The following RABGEF1 variants were observed in gnomAD, a reference collection of about 807,000 sequenced individuals.
The protein encoded by RABGEF1 is RAB guanine nucleotide exchange factor 1.
In RABGEF1, 26 loss-of-function variants were observed where a neutral mutation model predicts 57.3. The observed-to-expected ratio is 0.45, with a 90% CI of 0.33 to 0.63. RABGEF1 has a LOEUF of 0.63. RABGEF1 is among the 20% of genes least tolerant of loss of function. The pLI is 0.02. For missense variants in RABGEF1, 464 were observed against 607.6 expected (o/e 0.76, Z 2.48); for synonymous variants, 185 against 210.7 (o/e 0.88, Z 1.06).
rs1445613992 is a variant in RABGEF1 at position 66,783,755 on chromosome 7, A to G, written c.427A>G (p.Ile143Val). Residue 143 changes from isoleucine to valine, a missense_variant, in exon 4 of 9, where the codon ATA becomes GTA. Around this residue, in one of 4 missense-constraint regions of RABGEF1, gnomAD observed 284 missense variants for 389.9 expected, o/e 0.73. Coordinates refer to ENST00000284957, the MANE Select transcript of RABGEF1 (RefSeq NM_014504.3). ...IETDRVSKEF[I>V]EFLKTFHKTG... ...AACGGATAGAGTGTCTAAGGAGTTC[A>G]TAGAATTTCTCAAGACCTTCCACAA... 2.5e-6 allele frequency: 4 copies of G among 1,613,650 alleles called. No homozygotes were observed. The highest frequency in any genetic ancestry group is 3.4e-6 in the Non-Finnish European group (4 of 1,179,750).
chr7:66,724,890 G>T (rs1283206751), intron 2 of RABGEF1, among the ~76,000 whole-genome samples: 2 of 152,084 alleles, frequency 1.3e-5, no homozygotes, highest in Non-Finnish European at 2.9e-5. Context: ...ATAGATTCAG[G>T]TTCATTGATC....
chr7:66,785,313 T>G (rs1007063278), intron 4 of RABGEF1, among the ~76,000 whole-genome samples: 1 of 152,224 alleles, frequency 6.6e-6, no homozygotes, highest in African/African-American at 2.4e-5. Flanking sequence ...TTCTACACTA[T>G]GTGTTTCATG....
chr7:66,670,954 C>T, the RABGEF1 span, among the ~76,000 whole-genome samples: 1 of 151,636 alleles, frequency 6.6e-6, no homozygotes, highest in South Asian at 2.1e-4. Flanking sequence ...GGAGCTTCCA[C>T]TGGTCTTACT....
Position 66,809,337 on chromosome 7 carries a change from C to A in RABGEF1, c.*53C>A. ...GAGCCTAAATTGTAGGTAGCCCTTA[C>A]TACACTCAACTGATTGGGATCTAGA... On this transcript the variant is annotated 3_prime_UTR_variant, in exon 9 of 9. Coordinates refer to ENST00000284957, the MANE Select transcript of RABGEF1 (RefSeq NM_014504.3). The A allele has an allele frequency of 6.6e-7, 1 of 1,504,774 alleles. No homozygotes were observed. The highest frequency in any genetic ancestry group is 1.3e-5 in the South Asian group (1 of 76,252). 93.2% of individuals were successfully genotyped at this position (1,504,774 alleles called of 1,614,324 possible). A position where few individuals can be genotyped will look rare whatever the true frequency, so the allele number is the denominator to read the frequency against.
intron 1 of RABGEF1, among the ~76,000 whole-genome samples, chr7:66,753,704 T>G (rs1395479265): frequency 2.9e-5 from 4 of 137,512 alleles, no homozygotes; most frequent in Non-Finnish European, 1.6e-5. Context: ...TGCCATCGTT[T>G]TTTTTTTTTT....
chr7:66,759,306 A>C (rs1485389678), intron 1 of RABGEF1, among the ~76,000 whole-genome samples: 1 of 152,232 alleles, frequency 6.6e-6, no homozygotes, highest in Non-Finnish European at 1.5e-5. Flanking sequence ...TGCATTGAGC[A>C]GATTCTACAG....
chr7:66,783,642 C>A (rs752756002), intron 3 of RABGEF1, 33 bp from the exon 4 acceptor site: 23 of 1,555,382 alleles, frequency 1.5e-5, no homozygotes. Flanking sequence ...TCTTTTATGT[C>A]ATGAAACTTA....
upstream of RABGEF1, among the ~76,000 whole-genome samples, chr7:66,680,276 C>T (rs187472016): frequency 1.8e-3 from 271 of 151,398 alleles, 4 homozygotes; most frequent in Middle Eastern, 6.8e-3. Context: ...GACAGAGTTT[C>T]GCTCTTGTTG....
At chr7:66,773,632 A>T (rs1583971597) in intron 2 of RABGEF1, 1 of 453,034 alleles carries the variant, frequency 2.2e-6, no homozygotes, top group East Asian at 7.0e-5. Context: ...ATACTTGGAA[A>T]ATCATTGTCT....
At chr7:66,747,335 T>G (rs2129056518) in intron 1 of RABGEF1, among the ~76,000 whole-genome samples, 1 of 152,256 alleles carries the variant, frequency 6.6e-6, no homozygotes, top group African/African-American at 2.4e-5. Flanking sequence ...TAACAAGAGT[T>G]TTGAGGGCTC....
chr7:66,782,274 T>G (rs1267858579), intron 3 of RABGEF1, among the ~76,000 whole-genome samples: 2 of 152,244 alleles, frequency 1.3e-5, no homozygotes, highest in East Asian at 3.9e-4. Context: ...TGGTCAGAAG[T>G]TTCCTTTCTA....
At chr7:66,798,436 G>T (rs1363538408) in intron 6 of RABGEF1, among the ~76,000 whole-genome samples, 3 of 152,232 alleles carry the variant, frequency 2.0e-5, no homozygotes, top group Non-Finnish European at 2.9e-5. Context: ...TTTCATAGCT[G>T]AAGTGAGGAG....
chr7:66,756,378 T>G (rs1349288575), intron 1 of RABGEF1, among the ~76,000 whole-genome samples: 1 of 152,214 alleles, frequency 6.6e-6, no homozygotes, highest in Non-Finnish European at 1.5e-5. Context: ...GTTTGGTATA[T>G]GTCAGAATTT....
At chr7:66,789,989 T>C (rs1292178126) in intron 4 of RABGEF1, among the ~76,000 whole-genome samples, 9 of 152,114 alleles carry the variant, frequency 5.9e-5, no homozygotes, top group Non-Finnish European at 1.3e-4. Flanking sequence ...GACAAGATAC[T>C]CATGGAAGAA....
intron 1 of RABGEF1, among the ~76,000 whole-genome samples, chr7:66,759,382 C>T (rs1054311942): frequency 5.9e-5 from 9 of 152,222 alleles, no homozygotes; most frequent in Admixed American, 5.2e-4. Flanking sequence ...GTGCTTACTT[C>T]CCCAGCCGTA....
At chr7:66,762,065 A>AAAAAAC (rs755446377) in intron 1 of RABGEF1, among the ~76,000 whole-genome samples, 1 of 151,888 alleles carries the variant, frequency 6.6e-6, no homozygotes, top group African/African-American at 2.4e-5. Context: ...AAAAAAAACA[A>AAAAAAC]AAAAACAAAA....
intron 3 of RABGEF1, among the ~76,000 whole-genome samples, chr7:66,781,609 A>G (rs1809921533): frequency 6.6e-6 from 1 of 152,100 alleles, no homozygotes; most frequent in South Asian, 2.1e-4. Context: ...CTGTGGTTCT[A>G]CACGTTACTT....
chr7:66,667,145 G>T, the RABGEF1 span, among the ~76,000 whole-genome samples: 8 of 152,234 alleles, frequency 5.3e-5, no homozygotes, highest in African/African-American at 1.9e-4. Context: ...AGGGCCCAGA[G>T]AGGGTCCAAG....
chr7:66,683,211 T>TAA (rs1199124071), intron 1 of RABGEF1, among the ~76,000 whole-genome samples: 1 of 152,124 alleles, frequency 6.6e-6, no homozygotes, highest in Non-Finnish European at 1.5e-5. Context: ...CTCCTGGCCT[T>TAA]AAGCGATCCT....
Sources: allele counts gnomAD v4.1 joint callset (sites outside exome capture counted in the v4.1 genomes callset), GRCh38; gene constraint gnomAD v4.1.1; regional missense constraint gnomAD v4.1.1; transcripts MANE v1.5; gene names NCBI Gene and HGNC (gene_info 2026-07-23, HGNC 2026-07-21).